The following B3GAT2 variants were observed in gnomAD, a reference collection of about 807,000 sequenced individuals.
The protein encoded by B3GAT2 is beta-1,3-glucuronyltransferase 2.
A neutral mutation model predicts 27.8 loss-of-function variants in B3GAT2; 26 were observed. That is an observed-to-expected ratio of 0.93 (90% CI 0.68 to 1.30). The LOEUF (loss-of-function observed/expected upper bound fraction) is 1.30, where lower values mean the gene tolerates loss of function less well. B3GAT2 is among the 50% of genes most tolerant of loss of function. The pLI is 0.00. For missense variants in B3GAT2, 458 were observed against 459.0 expected (o/e 1.00, Z 0.02); for synonymous variants, 218 against 195.1 (o/e 1.12, Z -0.98).
chr6:70,939,884 T>TA (rs1277684088), intron 1 of B3GAT2, among the ~76,000 whole-genome samples: 4 of 151,882 alleles, frequency 2.6e-5, no homozygotes, highest in East Asian at 1.9e-4. Flanking sequence ...CCCTAAAACT[T>TA]AAAGTATAAT....
At chr6:70,922,986 T>C (rs1034222577) in intron 1 of B3GAT2, among the ~76,000 whole-genome samples, 1 of 152,198 alleles carries the variant, frequency 6.6e-6, no homozygotes, top group African/African-American at 2.4e-5. Flanking sequence ...TAAATGGGTA[T>C]AACAACATCA....
Position 70,860,425 on chromosome 6 carries a change from T to TTTTC in B3GAT2, c.*1234_*1237dup, listed in dbSNP as rs1771666697. The stretch of plus-strand genomic sequence containing the variant: ...CCCTGTTTATTCATATGCATATTTT[T>TTTTC]TTTCTTTTTACCCATTTGTTCATAT... On this transcript the variant is annotated 3_prime_UTR_variant, in exon 4 of 4. Transcript: ENST00000230053. 3.7e-5 allele frequency: 55 copies of TTTTC among 1,469,480 alleles called. No individual in the cohort carries two copies. Among genetic ancestry groups the TTTTC allele is most frequent in the Non-Finnish European group, 5.0e-5 (55 of 1,096,072 alleles). The allele number at this position is 1,469,480 out of a possible 1,614,324, so 91.0% of individuals were successfully genotyped here.
At chr6:70,899,754 C>T (rs1457892286) in intron 1 of B3GAT2, among the ~76,000 whole-genome samples, 1 of 152,144 alleles carries the variant, frequency 6.6e-6, no homozygotes. Context: ...CATTTCACTC[C>T]TGGGATCTGT....
chr6:70,924,316 T>C lies in B3GAT2; in HGVS notation c.592-30044A>G, dbSNP rs542237207. On this transcript the variant is annotated intron_variant, in intron 1 of 3. Transcript: ENST00000230053. Reference sequence around the variant, plus strand: ...TATTTATGGATTGGAAGAGTTAATATTGCTAAATGTCAAAACTACTAAAGA... The same window carrying C: ...TATTTATGGATTGGAAGAGTTAATACTGCTAAATGTCAAAACTACTAAAGA... Among the ~76,000 whole-genome samples, 8 of 152,288 alleles carry C rather than the reference T, an allele frequency of 5.3e-5. No homozygotes were observed. The South Asian group carries it at 1.7e-3, about 32-fold the overall frequency.
At chr6:70,932,428 T>C (rs189850014) in intron 1 of B3GAT2, among the ~76,000 whole-genome samples, 1 of 152,196 alleles carries the variant, frequency 6.6e-6, no homozygotes, top group Admixed American at 6.5e-5. Context: ...ATAAGCAAAA[T>C]GTGGAATATA....
At chr6:70,883,231 A>G (rs2150027287) in intron 2 of B3GAT2, among the ~76,000 whole-genome samples, 2 of 152,224 alleles carry the variant, frequency 1.3e-5, no homozygotes, top group East Asian at 3.8e-4. Context: ...TTGGACATCC[A>G]AAAGAATCTA....
intron 2 of B3GAT2, among the ~76,000 whole-genome samples, chr6:70,868,167 T>TTA (rs1184254979): frequency 6.6e-6 from 1 of 152,172 alleles, no homozygotes; most frequent in Non-Finnish European, 1.5e-5. Flanking sequence ...CTCAACTTAA[T>TTA]AAGGACATCT....
rs1191904291 is a variant in B3GAT2 at position 70,858,485 on chromosome 6, G to GTAAC, written c.*3174_*3177dup. 9 of 321,348 alleles carry GTAAC rather than the reference G, an allele frequency of 2.8e-5. No individual in the cohort carries two copies. Among genetic ancestry groups the GTAAC allele is most frequent in the African/African-American group, 2.0e-4 (9 of 45,508 alleles). 19.9% of individuals were successfully genotyped at this position (321,348 alleles called of 1,614,324 possible). On this transcript the variant is annotated 3_prime_UTR_variant, in exon 4 of 4. Transcript: ENST00000230053. The stretch of plus-strand genomic sequence containing the variant: ...AACATCTTTCATTTCAAATTGTAAT[G>GTAAC]TAACTGTAACGTGAACACCACTAAT...
chr6:70,956,073 C>G lies in B3GAT2; in HGVS notation c.357G>C (p.Ala119=), dbSNP rs199757620. 6.1e-5 allele frequency: 97 copies of G among 1,592,282 alleles called. No individual in the cohort carries two copies. Among genetic ancestry groups the G allele is most frequent in the Middle Eastern group, 1.9e-4 (1 of 5,310 alleles). ...AQLHWILVED[A]AARSELVSRF... ...GGCTCACCAGCTCGCTGCGCGCCGC[C>G]GCGTCCTCCACCAGGATCCAGTGCA... Residue 119 remains alanine, a synonymous_variant, in exon 1 of 4, where the codon GCG becomes GCC. Coordinates refer to ENST00000230053, the MANE Select transcript of B3GAT2 (RefSeq NM_080742.3).
intron 1 of B3GAT2, among the ~76,000 whole-genome samples, chr6:70,950,452 A>T (rs1765561877): frequency 6.6e-6 from 1 of 152,194 alleles, no homozygotes; most frequent in African/African-American, 2.4e-5. Context: ...CCTGCTAATC[A>T]GGTGCTTTAC....
intron 3 of B3GAT2, 27 bp from the exon 4 acceptor site, chr6:70,861,776 A>G (rs1771742929): frequency 6.2e-7 from 1 of 1,613,926 alleles, no homozygotes; most frequent in African/African-American, 1.3e-5. Flanking sequence ...TAGCTTGGGT[A>G]GCGCACTCTT....
chr6:70,944,357 G>T (rs12215254), intron 1 of B3GAT2, among the ~76,000 whole-genome samples: 1 of 151,878 alleles, frequency 6.6e-6, no homozygotes, highest in Admixed American at 6.6e-5. Flanking sequence ...CTGGAAAATC[G>T]GGTCACTCCC....
chr6:70,869,607 TC>T (rs1771903070), intron 2 of B3GAT2, among the ~76,000 whole-genome samples: 1 of 152,242 alleles, frequency 6.6e-6, no homozygotes, highest in Non-Finnish European at 1.5e-5. Flanking sequence ...TTTTATAGTT[TC>T]CTGTGTAAGT....
intron 2 of B3GAT2, among the ~76,000 whole-genome samples, chr6:70,866,198 C>T (rs541859522): frequency 1.3e-5 from 2 of 152,266 alleles, no homozygotes; most frequent in African/African-American, 4.8e-5. Flanking sequence ...CAGAGTGGAG[C>T]TACCTAGTAA....
intron 2 of B3GAT2, among the ~76,000 whole-genome samples, chr6:70,890,624 A>T (rs1772271981): frequency 6.6e-6 from 1 of 152,200 alleles, no homozygotes; most frequent in Non-Finnish European, 1.5e-5. Flanking sequence ...TGTGGGAAAC[A>T]TCCAGTGTAG....
chr6:70,881,814 C>T (rs1323584611), intron 2 of B3GAT2, among the ~76,000 whole-genome samples: 3 of 152,154 alleles, frequency 2.0e-5, no homozygotes, highest in Non-Finnish European at 4.4e-5. Flanking sequence ...ATGAGGACAC[C>T]ATCCTCTTAC....
In B3GAT2 at chr6:70,861,405, A is replaced by T; in HGVS notation, c.*258T>A. 1 of 464,284 alleles carries T rather than the reference A, an allele frequency of 2.2e-6. No individual in the cohort carries two copies. Among genetic ancestry groups the T allele is most frequent in the Non-Finnish European group, 3.9e-6 (1 of 257,584 alleles). 28.8% of individuals were successfully genotyped at this position (464,284 alleles called of 1,614,324 possible). ...GTATCTTGCAGTATCGGCACTGTAC[A>T]AAAAAATCTTCCAATTTAGTTGTTG... is the stretch of plus-strand genomic sequence containing the variant. On this transcript the variant is annotated 3_prime_UTR_variant, in exon 4 of 4. Transcript: ENST00000230053.
intron 1 of B3GAT2, among the ~76,000 whole-genome samples, chr6:70,901,943 G>A (rs1028662012): frequency 6.6e-6 from 1 of 152,070 alleles, no homozygotes; most frequent in Non-Finnish European, 1.5e-5. Flanking sequence ...TGTGAGAAAG[G>A]GACATGACTC....
chr6:70,940,417 T>G (rs1162139781), intron 1 of B3GAT2, among the ~76,000 whole-genome samples: 2 of 152,018 alleles, frequency 1.3e-5, no homozygotes, highest in East Asian at 3.9e-4. Flanking sequence ...CTCCAACAGG[T>G]GCTGGTCAGA....
Sources: allele counts gnomAD v4.1 joint callset (sites outside exome capture counted in the v4.1 genomes callset), GRCh38; gene constraint gnomAD v4.1.1; transcripts MANE v1.5; gene names NCBI Gene and HGNC (gene_info 2026-07-23, HGNC 2026-07-21).